UNC13C: variants seen among roughly 807,000 people sequenced by gnomAD.
UNC13C encodes unc-13 homolog C, also known as protein unc-13 homolog C.
Under a neutral mutation model 245.4 loss-of-function variants are expected in UNC13C, and 174 were observed. The observed-to-expected ratio is 0.71, with a 90% CI of 0.63 to 0.80. The LOEUF is 0.80. Among genes scored for constraint, UNC13C ranks in the 30% least tolerant of loss-of-function variants. The probability of loss-of-function intolerance (pLI) is 0.00; values close to 1 mark genes in which losing one functional copy is unlikely to be tolerated. For missense variants in UNC13C, 2,829 were observed against 2,602.9 expected (o/e 1.09, Z -1.89); for synonymous variants, 992 against 895.1 (o/e 1.11, Z -1.93).
At chr15:53,905,012 G>T in the UNC13C span, among the ~76,000 whole-genome samples, 7 of 152,220 alleles carry the variant, frequency 4.6e-5, no homozygotes, top group South Asian at 1.5e-3. Flanking sequence ...ATTGAGGCAT[G>T]CATAGACAGA....
intron 17 of UNC13C, among the ~76,000 whole-genome samples, chr15:54,364,227 C>G (rs1298267730): frequency 6.6e-6 from 1 of 152,100 alleles, no homozygotes; most frequent in African/African-American, 2.4e-5. Context: ...GACATTTAAT[C>G]TATTTTATAA....
chr15:54,082,820 G>C (rs1442857095), intron 2 of UNC13C, among the ~76,000 whole-genome samples: 1 of 152,122 alleles, frequency 6.6e-6, no homozygotes, highest in African/African-American at 2.4e-5. Context: ...GTTTCTGGGT[G>C]CTTTTGTGGG....
At chr15:53,946,200 A>G in the UNC13C span, among the ~76,000 whole-genome samples, 1 of 152,038 alleles carries the variant, frequency 6.6e-6, no homozygotes, top group Non-Finnish European at 1.5e-5. Flanking sequence ...TTGACTTCCT[A>G]TATTCATATT....
At chr15:53,941,418 A>T in the UNC13C span, among the ~76,000 whole-genome samples, 1 of 152,222 alleles carries the variant, frequency 6.6e-6, no homozygotes, top group Non-Finnish European at 1.5e-5. Flanking sequence ...GACAAAAGCA[A>T]TTGCAACCAA....
the UNC13C span, among the ~76,000 whole-genome samples, chr15:53,905,399 T>TACACACACAC: frequency 0.013 from 1,557 of 123,544 alleles, 11 homozygotes; most frequent in Middle Eastern, 0.05. Context: ...TATTACTTTA[T>TACACACACAC]ACACACACAC....
intron 30 of UNC13C, among the ~76,000 whole-genome samples, chr15:54,581,206 A>G (rs79027249): frequency 0.031 from 4,739 of 152,202 alleles, 102 homozygotes; most frequent in Non-Finnish European, 0.042. Flanking sequence ...GGTTTTCAAG[A>G]AGATGTGGGT....
At chr15:53,992,558 A>G (rs1475738180) in intron 1 of UNC13C, among the ~76,000 whole-genome samples, 1 of 152,092 alleles carries the variant, frequency 6.6e-6, no homozygotes, top group African/African-American at 2.4e-5. Flanking sequence ...TAGGGATCCA[A>G]GAGTTTCAGA....
intron 19 of UNC13C, among the ~76,000 whole-genome samples, chr15:54,482,573 C>G (rs886433329): frequency 3.4e-5 from 3 of 87,994 alleles, no homozygotes; most frequent in African/African-American, 1.3e-4. Flanking sequence ...TCACTTCTCT[C>G]TCCTTCCTCG....
chr15:54,218,759 G>C (rs1056942349), intron 4 of UNC13C, among the ~76,000 whole-genome samples: 6 of 151,902 alleles, frequency 3.9e-5, no homozygotes, highest in Admixed American at 6.6e-5. Context: ...CATTAGGTCA[G>C]AATGCAAGAA....
At chr15:54,138,523 C>A (rs2031848348) in intron 2 of UNC13C, among the ~76,000 whole-genome samples, 1 of 151,896 alleles carries the variant, frequency 6.6e-6, no homozygotes, top group Non-Finnish European at 1.5e-5. Context: ...GGAACATTTT[C>A]TATATTTTTA....
chr15:53,936,486 G>A, the UNC13C span, among the ~76,000 whole-genome samples: 18 of 152,204 alleles, frequency 1.2e-4, no homozygotes, highest in Non-Finnish European at 1.5e-5. Flanking sequence ...GATGAGGGGT[G>A]TTTCCCCCAG....
In UNC13C at chr15:54,149,027, G is replaced by A. The variant is rs140762763; in HGVS notation, c.3071+5343G>A. 5.2e-3 allele frequency among the ~76,000 whole-genome samples: 786 copies of A among 152,272 alleles called. 11 individuals are homozygous for A. Among genetic ancestry groups the A allele is most frequent in the African/African-American group, 0.018 (759 of 41,560 alleles). On this transcript the variant is annotated intron_variant, in intron 4 of 32. Transcript: ENST00000260323. ...GGAGGTGATTGGATCATGGGGGGCAGTTTCCCCCAGGCTGTTCTCCTGCTA... is the reference window on the plus strand; with the variant it reads ...GGAGGTGATTGGATCATGGGGGGCAATTTCCCCCAGGCTGTTCTCCTGCTA...
chr15:54,343,784 T>C (rs991835755), intron 17 of UNC13C, among the ~76,000 whole-genome samples: 6 of 152,118 alleles, frequency 3.9e-5, no homozygotes, highest in Non-Finnish European at 7.3e-5. Context: ...AAAAGAGAAA[T>C]TGGGCTCAAC....
chr15:54,365,433 A>G (rs2039342265), intron 17 of UNC13C, among the ~76,000 whole-genome samples: 1 of 152,048 alleles, frequency 6.6e-6, no homozygotes, highest in African/African-American at 2.4e-5. Context: ...GTACATATTC[A>G]GTCTATACAA....
At chr15:53,842,443 T>C in the UNC13C span, among the ~76,000 whole-genome samples, 23 of 152,308 alleles carry the variant, frequency 1.5e-4, no homozygotes, top group African/African-American at 5.1e-4. Flanking sequence ...CCTAAGATCA[T>C]TGGCTGAGTT....
At chr15:54,437,332 ATTG>A (rs1265777693) in intron 19 of UNC13C, among the ~76,000 whole-genome samples, 1 of 151,968 alleles carries the variant, frequency 6.6e-6, no homozygotes, top group African/African-American at 2.4e-5. Flanking sequence ...GCATCTAAAT[ATTG>A]TTGTTACATC....
At chr15:54,527,100 C>T (rs180874276) in intron 25 of UNC13C, among the ~76,000 whole-genome samples, 1 of 150,458 alleles carries the variant, frequency 6.6e-6, no homozygotes, top group East Asian at 1.9e-4. Flanking sequence ...GTCATTCTGC[C>T]TCTGCAGTGT....
At chr15:54,584,950 C>T (rs1898410072) in intron 30 of UNC13C, among the ~76,000 whole-genome samples, 1 of 152,156 alleles carries the variant, frequency 6.6e-6, no homozygotes, top group South Asian at 2.1e-4. Context: ...CTAATTTTTC[C>T]AAACATTTAA....
At chr15:53,947,562 G>A in the UNC13C span, 1 of 152,184 alleles carries the variant, frequency 6.6e-6, no homozygotes, top group Non-Finnish European at 1.5e-5. Flanking sequence ...AGACCATCAT[G>A]CCTCTGATCA....
Sources: gnomAD v4.1 joint callset for allele counts (sites outside exome capture counted in the v4.1 genomes callset) on GRCh38, gnomAD v4.1.1 for gene constraint, MANE v1.5 for transcripts, NCBI Gene and HGNC (gene_info 2026-07-23, HGNC 2026-07-21) for gene names.